COL5A3: variants seen among roughly 807,000 people sequenced by gnomAD.
COL5A3 encodes the protein collagen alpha-3(V) chain.
Under a neutral mutation model 250.0 loss-of-function variants are expected in COL5A3, and 172 were observed. The ratio of observed to expected loss-of-function variants is 0.69; its 90% CI spans 0.61 to 0.78. The LOEUF is 0.78. COL5A3 is among the 30% of genes least tolerant of loss of function. COL5A3 has a pLI of 0.00. For missense variants in COL5A3, 2,340 were observed against 2,334.4 expected, an observed-to-expected ratio of 1.00 and a Z score of -0.05; for synonymous variants, 937 against 900.4, an observed-to-expected ratio of 1.04 and a Z score of -0.73.
Position 9,997,995 on chromosome 19 carries a change from G to A in COL5A3, c.1189C>T (p.Pro397Ser), listed in dbSNP as rs2087296698. The change falls in exon 10 of 67, where the codon CCA becomes TCA. Residue 397 changes from proline to serine, a missense_variant. Physicochemically the swap from Pro to Ser is moderately conservative, Grantham distance 74. Transcript: ENST00000264828. ...CAGCCATGACTTACTTGGGGTCCTG[G>A]GGCTCCTGGAGGTCCCTCAAACTGC... ...GQQFEGPPGA[P>S]GPQGVVGPSG... is the part of the protein sequence containing the mutation. The A allele has an allele frequency of 2.5e-6, 4 of 1,613,996 alleles. No homozygotes were observed. Among genetic ancestry groups the A allele is most frequent in the Middle Eastern group, 1.7e-4 (1 of 6,060 alleles).
chr19:10,006,137 A>T lies in COL5A3; in HGVS notation c.183T>A (p.Gly61=). The T allele has an allele frequency of 1.2e-6, 2 of 1,612,976 alleles. No individual in the cohort carries two copies. The highest frequency in any genetic ancestry group is 1.1e-5 in the South Asian group (1 of 90,844). ...PGFCPQRTPE[G]DRAFRIGQAS... ...CCTGGCCAATTCTGAATGCCCGGTCACCCTCTGGAGTCCTCTGGGGACAGA... is the reference window on the plus strand; with the variant it reads ...CCTGGCCAATTCTGAATGCCCGGTCTCCCTCTGGAGTCCTCTGGGGACAGA... Residue 61 remains glycine (G), a synonymous_variant, in exon 2 of 67, where the codon GGT becomes GGA. Transcript: ENST00000264828.
In COL5A3 at chr19:9,969,467, G is replaced by A. The variant is rs190346683; in HGVS notation, c.4099-65C>T. ...CAGAACACAGTGTGGACCCCCCCCC[G>A]ACCATGCACCAGGGGCAGCCCCTCC... On this transcript the variant is annotated intron_variant, in intron 56 of 66. Transcript: ENST00000264828. 9.1e-5 allele frequency: 144 copies of A among 1,578,654 alleles called. No homozygotes were observed. The Admixed American group carries it at 2.2e-3, about 25-fold the overall frequency.
chr19:9,964,908 G>C (rs1365250194), intron 64 of COL5A3, among the ~76,000 whole-genome samples: 2 of 135,962 alleles, frequency 1.5e-5, no homozygotes, highest in Admixed American at 7.8e-5. Context: ...AATCAGCTGG[G>C]CATGGTGGCG....
In COL5A3 at chr19:9,968,376, G is replaced by C; in HGVS notation, c.4314+9C>G. On this transcript the variant is annotated intron_variant, in intron 59 of 66. Coordinates refer to ENST00000264828, the MANE Select transcript of COL5A3 (RefSeq NM_015719.4). The surrounding 1 kb of genome is among the most constrained non-coding windows in gnomAD (Gnocchi z 4.1). ...AATGCATTCTTCCCGCTCAGGTCAGGACACTCACAGGGTCTCCCTTGGGAC... is the reference window on the plus strand; with the variant it reads ...AATGCATTCTTCCCGCTCAGGTCAGCACACTCACAGGGTCTCCCTTGGGAC... 1 of 1,587,236 alleles carries C rather than the reference G, an allele frequency of 6.3e-7. No homozygotes were observed. The highest frequency in any genetic ancestry group is 8.6e-7 in the Non-Finnish European group (1 of 1,164,898).
intron 5 of COL5A3, 48 bp downstream of exon 5, chr19:10,003,993 G>T (rs1475503404): frequency 6.9e-7 from 1 of 1,449,172 alleles, no homozygotes; most frequent in Non-Finnish European, 9.7e-7. Flanking sequence ...AGCCAGGAAG[G>T]ACCCAGCCTG....
At chr19:9,989,216 C>T in intron 26 of COL5A3, 39 bp from the exon 27 acceptor site, 1 of 1,613,226 alleles carries the variant, frequency 6.2e-7, no homozygotes, top group East Asian at 2.2e-5. Context: ...CTAGACAGTC[C>T]CTTCCACATT....
At chr19:9,994,159 G>C (rs937567567) in intron 16 of COL5A3, among the ~76,000 whole-genome samples, 2 of 150,142 alleles carry the variant, frequency 1.3e-5, no homozygotes, top group African/African-American at 5.0e-5. Flanking sequence ...CCATGCCAAG[G>C]CTAAGATATT....
intron 21 of COL5A3, 21 bp from the exon 22 acceptor site, chr19:9,992,069 A>C (rs1568424741): frequency 1.2e-6 from 2 of 1,612,042 alleles, no homozygotes; most frequent in South Asian, 2.2e-5. Flanking sequence ...AGAGGATGTG[A>C]GACCAAGACA....
intron 6 of COL5A3, among the ~76,000 whole-genome samples, chr19:10,003,297 C>T (rs1266604134): frequency 6.6e-6 from 1 of 152,132 alleles, no homozygotes; most frequent in East Asian, 1.9e-4. Context: ...TCTAGTGCCC[C>T]AGGACTGGAG....
At chr19:9,998,453 C>G (rs148114001) in intron 8 of COL5A3, among the ~76,000 whole-genome samples, 32 of 152,262 alleles carry the variant, frequency 2.1e-4, no homozygotes, top group African/African-American at 7.0e-4. Context: ...CTTAGTCAAC[C>G]CCTATGGCCA....
At chr19:9,964,575 G>C (rs1189290613) in intron 64 of COL5A3, among the ~76,000 whole-genome samples, 1 of 152,112 alleles carries the variant, frequency 6.6e-6, no homozygotes, top group Non-Finnish European at 1.5e-5. Context: ...CTGTGCTCTA[G>C]CCTGGGTGAC....
chr19:9,978,907 C>T lies in COL5A3; in HGVS notation c.2948G>A (p.Gly983Glu). The change falls in exon 40 of 67, where the codon GGG becomes GAG. Residue 983 changes from glycine (G) to glutamate (E), a missense_variant. Coordinates refer to ENST00000264828, the MANE Select transcript of COL5A3 (RefSeq NM_015719.4). Reference sequence around the variant, plus strand: ...GATACTCACCGGGTCCCCAGGGCCCCCTTTGGGGCCGGGAAAGCCCCTGAG... The same window carrying T: ...GATACTCACCGGGTCCCCAGGGCCCTCTTTGGGGCCGGGAAAGCCCCTGAG... ...AGLRGFPGPK[G>E]GPGDPGPTGL... The T allele has an allele frequency of 6.7e-7, 1 of 1,488,140 alleles. No homozygotes were observed. Among genetic ancestry groups the T allele is most frequent in the East Asian group, 2.5e-5 (1 of 40,464 alleles). The allele number at this position is 1,488,140 out of a possible 1,614,324, so 92.2% of individuals were successfully genotyped here.
intron 4 of COL5A3, among the ~76,000 whole-genome samples, chr19:10,004,886 G>A (rs552330319): frequency 1.3e-5 from 2 of 152,142 alleles, no homozygotes; most frequent in African/African-American, 4.8e-5. Flanking sequence ...ACCATCTCAG[G>A]TCACAGTCTC....
chr19:9,993,462 G>A, intron 18 of COL5A3, 29 bp from the exon 19 acceptor site: 2 of 1,612,952 alleles, frequency 1.2e-6, no homozygotes, highest in East Asian at 2.2e-5. Flanking sequence ...GGAGTTCAGA[G>A]TGGAAGGGTG....
At chr19:9,983,137 A>C (rs984582752) in intron 31 of COL5A3, among the ~76,000 whole-genome samples, 6 of 152,026 alleles carry the variant, frequency 3.9e-5, no homozygotes, top group Non-Finnish European at 7.4e-5. Flanking sequence ...CTGAGATTAC[A>C]GGTGTGAGCC....
At chr19:9,966,490 A>C (rs1014280993) in intron 63 of COL5A3, 46 bp downstream of exon 63, 30 of 1,555,062 alleles carry the variant, frequency 1.9e-5, no homozygotes, top group Non-Finnish European at 2.5e-5. Flanking sequence ...AACCCCCCCC[A>C]CACCCCCACT....
Position 9,959,599 on chromosome 19 carries a change from T to C in COL5A3, c.*812A>G, listed in dbSNP as rs534952164. ...TTTATTCTCAGATTTGAGATGCAAA[T>C]TATGCCCTATGGCCTGGCGGTGGGG... is the stretch of plus-strand genomic sequence containing the variant. On this transcript the variant is annotated 3_prime_UTR_variant, in exon 67 of 67. Coordinates refer to ENST00000264828, the MANE Select transcript of COL5A3 (RefSeq NM_015719.4). The C allele has an allele frequency of 1.3e-5, 2 of 152,782 alleles. No individual in the cohort carries two copies. Among genetic ancestry groups the C allele is most frequent in the African/African-American group, 4.8e-5 (2 of 41,584 alleles). 9.5% of individuals were successfully genotyped at this position (152,782 alleles called of 1,614,324 possible).
rs754812046 is a variant in COL5A3 at position 9,998,035 on chromosome 19, G to T, written c.1159-10C>A. 3.2e-5 allele frequency: 52 copies of T among 1,613,970 alleles called. No individual in the cohort carries two copies. Among genetic ancestry groups the T allele is most frequent in the Non-Finnish European group, 4.4e-5 (52 of 1,180,030 alleles). Reference sequence around the variant, plus strand: ...CCTCAAACTGCTGCCCCTGAAGGGAGAAGTGAGTGTCGGTGACCGCTGTCA... The same window carrying T: ...CCTCAAACTGCTGCCCCTGAAGGGATAAGTGAGTGTCGGTGACCGCTGTCA... On this transcript the variant is annotated splice_polypyrimidine_tract_variant and intron_variant, in intron 9 of 66. Transcript: ENST00000264828.
chr19:9,974,800 T>A (rs574348832), intron 45 of COL5A3, among the ~76,000 whole-genome samples: 1 of 152,040 alleles, frequency 6.6e-6, no homozygotes, highest in East Asian at 1.9e-4. Context: ...TCCTATTGTA[T>A]GGTAATAAAC....
Sources: allele counts gnomAD v4.1 joint callset (sites outside exome capture counted in the v4.1 genomes callset), GRCh38; gene constraint gnomAD v4.1.1; non-coding constraint Gnocchi (gnomAD v3.1); transcripts MANE v1.5; gene names NCBI Gene and HGNC (gene_info 2026-07-23, HGNC 2026-07-21).